Variants in LIMCH1 observed in about 807,000 individuals in gnomAD.
LIMCH1 encodes the protein LIM and calponin homology domains-containing protein 1.
A neutral mutation model predicts 176.5 loss-of-function variants in LIMCH1; 113 were observed. The ratio of observed to expected loss-of-function variants is 0.64; its 90% confidence interval spans 0.55 to 0.75. The LOEUF (loss-of-function observed/expected upper bound fraction) is 0.75. Among genes scored for constraint, LIMCH1 ranks in the 30% least tolerant of loss-of-function variants. The pLI is 0.00. For missense variants in LIMCH1, 1,674 were observed against 1,814.9 expected (o/e 0.92, Z 1.41); for synonymous variants, 619 against 645.9 (o/e 0.96, Z 0.63).
chr4:41,380,251 A>T (rs2055443890), intron 1 of LIMCH1, among the ~76,000 whole-genome samples: 1 of 152,204 alleles, frequency 6.6e-6, no homozygotes, highest in Admixed American at 6.5e-5. Flanking sequence ...GAAAGTTTTG[A>T]TTAGTTCTGG....
chr4:41,618,187 T>C (rs891337219), intron 5 of LIMCH1, among the ~76,000 whole-genome samples: 6 of 152,372 alleles, frequency 3.9e-5, no homozygotes, highest in African/African-American at 1.4e-4. Context: ...AATCTTGTAA[T>C]GCTCTCATTG....
chr4:41,460,458 C>CTATATA lies in LIMCH1; in HGVS notation c.97-34062_97-34057dup, dbSNP rs57517524. 7.5e-4 allele frequency among the ~76,000 whole-genome samples: 83 copies of CTATATA among 110,534 alleles called. 3 individuals are homozygous for CTATATA. Among genetic ancestry groups the CTATATA allele is most frequent in the African/African-American group, 1.6e-3 (41 of 25,228 alleles). 72.5% of individuals were successfully genotyped at this position (110,534 alleles called of 152,430 possible). A position where few individuals can be genotyped will look rare whatever the true frequency, so the allele number is the denominator to read the frequency against. Reference sequence around the variant, plus strand: ...AAATTTGTTCCACTATAGTAATCATCTATATATATATATATATATATCTTA... The same window carrying CTATATA: ...AAATTTGTTCCACTATAGTAATCATCTATATATATATATATATATATATATATCTTA... On this transcript the variant is annotated intron_variant, in intron 1 of 26. Coordinates refer to the LIMCH1 transcript ENST00000313860.
chr4:41,508,499 A>T (rs1257645166), intron 2 of LIMCH1, among the ~76,000 whole-genome samples: 2 of 152,152 alleles, frequency 1.3e-5, no homozygotes, highest in Non-Finnish European at 2.9e-5. Flanking sequence ...GAGACGATGC[A>T]TTCAACTTGC....
chr4:41,678,234 T>C (rs1219298499), intron 23 of LIMCH1, among the ~76,000 whole-genome samples: 2 of 136,558 alleles, frequency 1.5e-5, no homozygotes, highest in African/African-American at 5.6e-5. Flanking sequence ...CTTTTTCTTT[T>C]CTTTTTTTTT....
intron 1 of LIMCH1, among the ~76,000 whole-genome samples, chr4:41,447,634 A>G (rs1011551581): frequency 2.0e-5 from 3 of 152,210 alleles, no homozygotes; most frequent in African/African-American, 7.2e-5. Flanking sequence ...TGTTGAGTAG[A>G]TTAATTCTGG....
chr4:41,569,053 C>T (rs975101239), intron 1 of LIMCH1, among the ~76,000 whole-genome samples: 3 of 152,084 alleles, frequency 2.0e-5, no homozygotes, highest in African/African-American at 7.2e-5. Context: ...AAATTACCAA[C>T]TGAGGGAAAC....
intron 1 of LIMCH1, among the ~76,000 whole-genome samples, chr4:41,404,209 A>G (rs1443407410): frequency 4.1e-4 from 63 of 152,090 alleles, no homozygotes; most frequent in Non-Finnish European, 1.8e-4. Context: ...CATATCTCCA[A>G]CTATGACCAC....
chr4:41,553,277 A>G (rs577105979), intron 1 of LIMCH1, among the ~76,000 whole-genome samples: 89 of 152,326 alleles, frequency 5.8e-4, no homozygotes, highest in African/African-American at 2.1e-3. Flanking sequence ...GGGGAGGCAG[A>G]CAATTTCAGT....
chr4:41,563,454 AAATT>A (rs1365538286), intron 1 of LIMCH1, among the ~76,000 whole-genome samples: 1 of 152,160 alleles, frequency 6.6e-6, no homozygotes, highest in Non-Finnish European at 1.5e-5. Context: ...GTATCTCTCA[AAATT>A]AAGTAAGCAG....
chr4:41,489,368 T>C (rs1236842000), intron 1 of LIMCH1, among the ~76,000 whole-genome samples: 1 of 152,142 alleles, frequency 6.6e-6, no homozygotes, highest in Non-Finnish European at 1.5e-5. Context: ...TTGGCCTTAT[T>C]TTGATGAGAT....
chr4:41,588,662 T>G (rs4386634), intron 1 of LIMCH1, among the ~76,000 whole-genome samples: 53,067 of 152,144 alleles, frequency 0.35, 14,824 homozygotes, highest in African/African-American at 0.78. Flanking sequence ...TGAGTTTAGC[T>G]CTTCAACCAA....
intron 1 of LIMCH1, among the ~76,000 whole-genome samples, chr4:41,473,407 T>C (rs1322946153): frequency 1.3e-5 from 2 of 152,162 alleles, no homozygotes; most frequent in Non-Finnish European, 2.9e-5. Context: ...GCATTAGTCT[T>C]TTCTCTCTTT....
intron 3 of LIMCH1, among the ~76,000 whole-genome samples, chr4:41,530,790 C>T (rs1430488412): frequency 1.3e-4 from 8 of 59,302 alleles, no homozygotes; most frequent in Non-Finnish European, 8.8e-5. Context: ...AGCGAAACCC[C>T]GCCTAAAAAA....
At chr4:41,684,616 C>G (rs1719096897) in intron 27 of LIMCH1, 98 bp downstream of exon 27, 2 of 1,365,798 alleles carry the variant, frequency 1.5e-6, no homozygotes, top group Non-Finnish European at 2.0e-6. Flanking sequence ...GCAGGCTTCT[C>G]TCTAAGGGCC....
chr4:41,417,123 CATT>C lies in LIMCH1; in HGVS notation c.96+56188_96+56190del, dbSNP rs879713809. On this transcript the variant is annotated intron_variant, in intron 1 of 26. Transcript: ENST00000313860. The stretch of plus-strand genomic sequence containing the variant: ...TGTGAGGGGTTATCTATGCTATAGG[CATT>C]GTTTCTTTGTGAGGGGTTATCTATG... Among the ~76,000 whole-genome samples the C allele has an allele frequency of 4.1e-3, 390 of 94,644 alleles. 2 individuals are homozygous for C. The highest frequency in any genetic ancestry group is 0.023 in the South Asian group (55 of 2,364). 62.1% of individuals were successfully genotyped at this position (94,644 alleles called of 152,430 possible). A position where few individuals can be genotyped will look rare whatever the true frequency, so the allele number is the denominator to read the frequency against.
chr4:41,687,214 T>A (rs1450022626), intron 28 of LIMCH1, among the ~76,000 whole-genome samples: 1 of 152,220 alleles, frequency 6.6e-6, no homozygotes, highest in Non-Finnish European at 1.5e-5. Flanking sequence ...GCTGATGGCT[T>A]AATCACAGGC....
intron 1 of LIMCH1, among the ~76,000 whole-genome samples, chr4:41,587,613 G>A (rs1344293519): frequency 6.6e-6 from 1 of 152,152 alleles, no homozygotes; most frequent in East Asian, 1.9e-4. Context: ...TGGGTCAGCT[G>A]CATCCCCACC....
intron 1 of LIMCH1, among the ~76,000 whole-genome samples, chr4:41,370,387 G>GA (rs60560499): frequency 0.078 from 11,784 of 151,932 alleles, 646 homozygotes; most frequent in African/African-American, 0.14. Flanking sequence ...ATTTTTAAAG[G>GA]AAAAAAACCC....
chr4:41,567,574 A>G (rs143008220), intron 1 of LIMCH1, among the ~76,000 whole-genome samples: 42 of 152,310 alleles, frequency 2.8e-4, no homozygotes, highest in Admixed American at 2.4e-3. Flanking sequence ...GTTAGGTGCT[A>G]TACTTGAATT....
Sources: allele counts gnomAD v4.1 joint callset (sites outside exome capture counted in the v4.1 genomes callset), GRCh38; gene constraint gnomAD v4.1.1; transcripts MANE v1.5; gene names NCBI Gene and HGNC (gene_info 2026-07-23, HGNC 2026-07-21).